HS3ST5: variants seen among roughly 807,000 people sequenced by gnomAD.
HS3ST5 encodes the protein heparan sulfate-glucosamine 3-sulfotransferase 5.
HS3ST5 carries 10 observed loss-of-function variants against 25.4 expected under a neutral mutation model. That is an observed-to-expected ratio of 0.39 (90% CI 0.24 to 0.67). The LOEUF is 0.67. Ranked by LOEUF, HS3ST5 falls within the 30% of genes least tolerant of loss-of-function variation. The pLI, the probability that HS3ST5 is intolerant of heterozygous loss-of-function variation, is 0.44. For synonymous variants in HS3ST5, 170 were observed against 162.4 expected, an observed-to-expected ratio of 1.05 and a Z score of -0.36; for missense variants, 324 against 420.7, an observed-to-expected ratio of 0.77 and a Z score of 2.01.
At chr6:114,261,627 G>C (rs982042978) in intron 1 of HS3ST5, among the ~76,000 whole-genome samples, 1 of 152,166 alleles carries the variant, frequency 6.6e-6, no homozygotes, top group Non-Finnish European at 1.5e-5. Context: ...ATACACCCAT[G>C]TCTTACTTAA....
At chr6:114,309,656 C>A (rs1775448855) in intron 1 of HS3ST5, among the ~76,000 whole-genome samples, 1 of 152,086 alleles carries the variant, frequency 6.6e-6, no homozygotes, top group Non-Finnish European at 1.5e-5. Context: ...ATGCTTGAAC[C>A]CAGAAGGCGG....
At chr6:114,128,357 G>C (rs1013084241) in intron 3 of HS3ST5, among the ~76,000 whole-genome samples, 6 of 152,108 alleles carry the variant, frequency 3.9e-5, no homozygotes, top group African/African-American at 1.2e-4. Flanking sequence ...CCAAAAAAAA[G>C]TGAGGCAGAG....
At chr6:114,105,959 T>G (rs1328442376) in intron 3 of HS3ST5, among the ~76,000 whole-genome samples, 1 of 152,178 alleles carries the variant, frequency 6.6e-6, no homozygotes, top group African/African-American at 2.4e-5. Flanking sequence ...CTTGTGGCAT[T>G]AGTGAAATTT....
rs1780659922 is a variant in HS3ST5, at chr6:114,194,729, T to TG, written c.-144-26268dup. ...TGCTAATGCTGCCAATTTTAGAACA[T>TG]GGGTCCCATGGAGAGGCATGAAGCT... On this transcript the variant is annotated intron_variant, in intron 2 of 4. Coordinates refer to ENST00000312719, the MANE Select transcript of HS3ST5 (RefSeq NM_153612.4). Among the ~76,000 whole-genome samples, 4 of 152,252 alleles carry TG rather than the reference T, an allele frequency of 2.6e-5. 1 individual carries two copies. The South Asian group carries it at 8.3e-4, about 32-fold the overall frequency.
At chr6:114,276,975 C>G (rs761345207) in intron 1 of HS3ST5, among the ~76,000 whole-genome samples, 12 of 151,986 alleles carry the variant, frequency 7.9e-5, no homozygotes, top group Non-Finnish European at 1.6e-4. Flanking sequence ...GAAGCTACAA[C>G]AGGAAGGGAG....
chr6:114,118,340 C>T (rs1358594746), intron 3 of HS3ST5, among the ~76,000 whole-genome samples: 1 of 152,088 alleles, frequency 6.6e-6, no homozygotes, highest in Non-Finnish European at 1.5e-5. Context: ...TATAGTCAGG[C>T]AGGTAATACA....
intron 1 of HS3ST5, among the ~76,000 whole-genome samples, chr6:114,338,793 A>T (rs768614485): frequency 1.3e-5 from 2 of 152,098 alleles, no homozygotes; most frequent in Non-Finnish European, 2.9e-5. Context: ...ATACCAGAAA[A>T]TATATACAAA....
intron 1 of HS3ST5, among the ~76,000 whole-genome samples, chr6:114,229,548 G>A (rs538609603): frequency 5.0e-4 from 76 of 152,224 alleles, no homozygotes; most frequent in Non-Finnish European, 8.7e-4. Flanking sequence ...CAACCACCGC[G>A]CCCAGCTCTC....
At chr6:114,263,246 A>T (rs1773256474) in intron 1 of HS3ST5, among the ~76,000 whole-genome samples, 1 of 152,100 alleles carries the variant, frequency 6.6e-6, no homozygotes, top group Non-Finnish European at 1.5e-5. Flanking sequence ...TATATTTTTA[A>T]GTAAAATGTT....
At chr6:114,305,539 G>A (rs1429738053) in intron 1 of HS3ST5, among the ~76,000 whole-genome samples, 1 of 151,858 alleles carries the variant, frequency 6.6e-6, no homozygotes, top group Non-Finnish European at 1.5e-5. Flanking sequence ...CCTCAAGACT[G>A]CCCTTGTGCT....
chr6:114,152,554 G>A (rs534198602), intron 3 of HS3ST5, among the ~76,000 whole-genome samples: 109 of 152,304 alleles, frequency 7.2e-4, no homozygotes, highest in African/African-American at 2.5e-3. Flanking sequence ...AGAAGGAGGA[G>A]TGTGAAAGCT....
chr6:114,265,972 C>T (rs1337022748), intron 1 of HS3ST5, among the ~76,000 whole-genome samples: 1 of 152,144 alleles, frequency 6.6e-6, no homozygotes, highest in African/African-American at 2.4e-5. Context: ...ATGACTCCCA[C>T]ATTGAAACCT....
At position 114,057,768 on chromosome 6, in the gene HS3ST5, T is replaced by C. The variant is rs770124673; in HGVS notation, c.530A>G (p.Lys177Arg). ...TGGCTCCCTGACAATGATCAACAAC[T>C]TGATGGATGAGTTCATTTTGTAAAT... ...ERIYKMNSSIKLLIIVREPTT... is the reference protein window; with the variant it reads ...ERIYKMNSSIRLLIIVREPTT... Residue 177 changes from lysine to arginine, a missense_variant, in exon 5 of 5, where the codon AAG becomes AGG. By Grantham distance (26) the Lys-to-Arg change is conservative (BLOSUM62 2). Around this residue, in one of 2 missense-constraint regions of HS3ST5, gnomAD observed 203 missense variants for 303.4 expected, o/e 0.67. Transcript: ENST00000312719. The C allele has an allele frequency of 3.7e-6, 6 of 1,614,172 alleles. No homozygotes were observed. The highest frequency in any genetic ancestry group is 2.2e-5 in the East Asian group (1 of 44,890).
intron 3 of HS3ST5, among the ~76,000 whole-genome samples, chr6:114,103,203 A>G (rs1398747066): frequency 1.3e-5 from 2 of 152,118 alleles, no homozygotes; most frequent in African/African-American, 4.8e-5. Flanking sequence ...TTTAATAAGT[A>G]TGAATTCATT....
intron 3 of HS3ST5, among the ~76,000 whole-genome samples, chr6:114,118,649 A>G (rs1441731379): frequency 6.6e-6 from 1 of 152,210 alleles, no homozygotes; most frequent in Non-Finnish European, 1.5e-5. Flanking sequence ...CTCATGACCA[A>G]AATGAATTGA....
chr6:114,297,875 T>C (rs1294628921), intron 1 of HS3ST5, among the ~76,000 whole-genome samples: 1 of 152,226 alleles, frequency 6.6e-6, no homozygotes, highest in Non-Finnish European at 1.5e-5. Flanking sequence ...GTTTTGGGAA[T>C]AGTAACTGGA....
chr6:114,207,359 T>C lies in HS3ST5; in HGVS notation c.-145+21226A>G, dbSNP rs141321736. 2.2e-3 allele frequency among the ~76,000 whole-genome samples: 335 copies of C among 152,284 alleles called. 1 individual carries two copies. Among genetic ancestry groups the C allele is most frequent in the Middle Eastern group, 6.8e-3 (2 of 294 alleles). ...CAATAAAACCAGAGACGAGGTGATA[T>C]ATATTATGGACAAAACATTTTTCAT... On this transcript the variant is annotated intron_variant, in intron 2 of 4. Coordinates refer to ENST00000312719, the MANE Select transcript of HS3ST5 (RefSeq NM_153612.4).
intron 2 of HS3ST5, chr6:114,179,089 T>C (rs1251778337): frequency 6.6e-6 from 1 of 152,198 alleles, no homozygotes; most frequent in Non-Finnish European, 1.5e-5. Context: ...ATATGGTACA[T>C]AGCTGGGAGC....
intron 1 of HS3ST5, among the ~76,000 whole-genome samples, chr6:114,316,234 A>G (rs1775741887): frequency 6.6e-6 from 1 of 152,204 alleles, no homozygotes; most frequent in Non-Finnish European, 1.5e-5. Context: ...TTTGTATTTT[A>G]GTAGTCTGTC....
Sources: gnomAD v4.1 joint callset for allele counts (sites outside exome capture counted in the v4.1 genomes callset) on GRCh38, gnomAD v4.1.1 for gene constraint, gnomAD v4.1.1 regional missense constraint, MANE v1.5 for transcripts, NCBI Gene and HGNC (gene_info 2026-07-23, HGNC 2026-07-21) for gene names.